CDKAL1: variants seen among roughly 807,000 people sequenced by gnomAD.
The protein encoded by CDKAL1 is threonylcarbamoyladenosine tRNA methylthiotransferase.
CDKAL1 carries 32 observed loss-of-function variants against 68.2 expected under a neutral mutation model. The observed-to-expected ratio is 0.47, with a 90% CI of 0.35 to 0.63. The LOEUF is 0.63. CDKAL1 is among the 30% of genes least tolerant of loss of function. The pLI, the probability that CDKAL1 is intolerant of heterozygous loss-of-function variation, is 0.00. For missense variants in CDKAL1, 606 were observed against 696.7 expected (o/e 0.87, Z 1.47); for synonymous variants, 234 against 244.3 (o/e 0.96, Z 0.39).
At chr6:20,560,321 C>A (rs1211512317) in intron 4 of CDKAL1, among the ~76,000 whole-genome samples, 1 of 152,084 alleles carries the variant, frequency 6.6e-6, no homozygotes, top group African/African-American at 2.4e-5. Context: ...CAGTATGACC[C>A]TTTCAGAGGC....
intron 9 of CDKAL1, among the ~76,000 whole-genome samples, chr6:20,877,324 A>G (rs745898601): frequency 6.6e-6 from 1 of 152,242 alleles, no homozygotes; most frequent in Non-Finnish European, 1.5e-5. Flanking sequence ...AGTCTTTGCC[A>G]TCTAATATCT....
rs765644497 is a variant in CDKAL1 at position 21,108,385 on chromosome 6, T to G, written c.1237-16T>G. On this transcript the variant is annotated splice_polypyrimidine_tract_variant and intron_variant, in intron 12 of 15. Coordinates refer to ENST00000274695, the MANE Select transcript of CDKAL1 (RefSeq NM_017774.3). ...TTTGTATGTTGGTTTTTTGTTTTTT[T>G]TGTTTTTTTTCACAGAAAAAGCAAA... 6.3e-7 allele frequency: 1 copy of G among 1,596,710 alleles called. No homozygotes were observed. Among genetic ancestry groups the G allele is most frequent in the Non-Finnish European group, 8.5e-7 (1 of 1,169,668 alleles).
intron 11 of CDKAL1, among the ~76,000 whole-genome samples, chr6:21,059,277 A>G (rs866036514): frequency 2.0e-5 from 3 of 152,216 alleles, no homozygotes; most frequent in Admixed American, 6.5e-5. Context: ...AGGGGAAAAC[A>G]GAAGACTGAT....
chr6:20,871,289 TA>T (rs1213602603), intron 9 of CDKAL1, among the ~76,000 whole-genome samples: 25 of 152,288 alleles, frequency 1.6e-4, no homozygotes, highest in Non-Finnish European at 2.9e-4. Flanking sequence ...GTGTGTCTAA[TA>T]ATTACCATAA....
intron 9 of CDKAL1, among the ~76,000 whole-genome samples, chr6:20,885,669 C>A (rs559430974): frequency 6.6e-6 from 1 of 152,142 alleles, no homozygotes; most frequent in Non-Finnish European, 1.5e-5. Flanking sequence ...CTTCATCAGA[C>A]TTTAAACTGT....
intron 8 of CDKAL1, among the ~76,000 whole-genome samples, chr6:20,842,369 A>G (rs1393810045): frequency 6.6e-6 from 1 of 152,206 alleles, no homozygotes. Context: ...TGTACCCTAT[A>G]AATATATACA....
chr6:20,907,962 A>C (rs1272630145), intron 9 of CDKAL1, among the ~76,000 whole-genome samples: 1 of 152,134 alleles, frequency 6.6e-6, no homozygotes, highest in African/African-American at 2.4e-5. Flanking sequence ...GAACGCTGAC[A>C]TCCACGGCTC....
intron 9 of CDKAL1, among the ~76,000 whole-genome samples, chr6:20,853,784 A>G (rs185389814): frequency 8.5e-5 from 13 of 152,320 alleles, no homozygotes; most frequent in Admixed American, 8.5e-4. Flanking sequence ...CCACTATTCT[A>G]GAAAATTTTT....
In CDKAL1 at chr6:20,692,100, G is replaced by T. The variant is rs1322800002; in HGVS notation, c.371+42723G>T. ...CTTACCCTGAATACTAAGACATTTT[G>T]ACATTTACATAAGATTACTATCTAC... On this transcript the variant is annotated intron_variant, in intron 5 of 15. Transcript: ENST00000274695. 2.0e-5 allele frequency among the ~76,000 whole-genome samples: 3 copies of T among 152,114 alleles called. 1 individual carries two copies. Among genetic ancestry groups the T allele is most frequent in the South Asian group, 4.1e-4 (2 of 4,828 alleles).
In CDKAL1 at chr6:20,937,275, TG is replaced by T. The variant is rs1561899026; in HGVS notation, c.743-18140del. On this transcript the variant is annotated intron_variant, in intron 9 of 15. Transcript: ENST00000274695. ...AATTTATTTGTATTTTTTGTAGAAA[TG>T]GGGTTTCGCCATGTTGCCCAGGCTG... Among the ~76,000 whole-genome samples, 6 of 152,122 alleles carry T rather than the reference TG, an allele frequency of 3.9e-5. 1 individual carries two copies. The highest frequency in any genetic ancestry group is 2.0e-4 in the Admixed American group (3 of 15,280).
chr6:20,954,420 A>G lies in CDKAL1; in HGVS notation c.743-999A>G, dbSNP rs1764681584. Among the ~76,000 whole-genome samples the G allele has an allele frequency of 2.0e-5, 3 of 152,216 alleles. No individual in the cohort carries two copies. In the South Asian group the frequency reaches 6.2e-4, roughly 31 times the overall value. On this transcript the variant is annotated intron_variant, in intron 9 of 15. Coordinates refer to ENST00000274695, the MANE Select transcript of CDKAL1 (RefSeq NM_017774.3). ...AGAAACTTATACTTTGGTTCAGGCT[A>G]AAGTCTTCAGTTTGTGTGCCTGTGT...
intron 9 of CDKAL1, among the ~76,000 whole-genome samples, chr6:20,925,567 G>A (rs1240483787): frequency 6.7e-6 from 1 of 149,932 alleles, no homozygotes; most frequent in South Asian, 2.1e-4. Context: ...TTACTTCTCA[G>A]TGAGAATACA....
At chr6:20,762,815 A>G (rs1211038218) in intron 7 of CDKAL1, among the ~76,000 whole-genome samples, 3 of 152,180 alleles carry the variant, frequency 2.0e-5, no homozygotes, top group Admixed American at 2.0e-4. Flanking sequence ...ATCTGACTGC[A>G]TATCCTGCTA....
Position 20,702,549 on chromosome 6 carries a change from A to G in CDKAL1, c.372-36970A>G, listed in dbSNP as rs148250161. Among the ~76,000 whole-genome samples, 190 of 152,240 alleles carry G rather than the reference A, an allele frequency of 1.2e-3. 1 individual carries two copies. Among genetic ancestry groups the G allele is most frequent in the African/African-American group, 4.4e-3 (184 of 41,532 alleles). On this transcript the variant is annotated intron_variant, in intron 5 of 15. Transcript: ENST00000274695. Reference sequence around the variant, plus strand: ...GTTTTCTTGTGGATTGGGCCTTCCAACTGCTCAGGCAAAACTTGTCGTTCC... The same window carrying G: ...GTTTTCTTGTGGATTGGGCCTTCCAGCTGCTCAGGCAAAACTTGTCGTTCC...
At chr6:20,558,634 TAAG>T (rs1764153137) in intron 4 of CDKAL1, 3 of 455,880 alleles carry the variant, frequency 6.6e-6, no homozygotes, top group South Asian at 3.1e-5. Context: ...GGAATTGAGT[TAAG>T]AAGATTTGTT....
At chr6:21,207,221 ATT>A (rs34085972) in intron 15 of CDKAL1, among the ~76,000 whole-genome samples, 1 of 149,354 alleles carries the variant, frequency 6.7e-6, no homozygotes, top group African/African-American at 2.4e-5. Flanking sequence ...CCTACTTTAA[ATT>A]TTTTTTTTTT....
At chr6:21,147,009 T>TC (rs1407719916) in intron 13 of CDKAL1, among the ~76,000 whole-genome samples, 1 of 152,128 alleles carries the variant, frequency 6.6e-6, no homozygotes, top group Non-Finnish European at 1.5e-5. Context: ...GTGTCCATGG[T>TC]CCATCAGCAA....
chr6:20,940,434 G>T (rs1581874122), intron 9 of CDKAL1, among the ~76,000 whole-genome samples: 2 of 152,266 alleles, frequency 1.3e-5, no homozygotes. Context: ...TGAGCCATAT[G>T]TATAATTTAA....
chr6:20,945,680 G>A (rs1456775304), intron 9 of CDKAL1, among the ~76,000 whole-genome samples: 6 of 152,276 alleles, frequency 3.9e-5, no homozygotes, highest in Non-Finnish European at 7.3e-5. Context: ...GGGCACAGTA[G>A]TAGTATTTAG....
Sources: allele counts gnomAD v4.1 joint callset (sites outside exome capture counted in the v4.1 genomes callset), GRCh38; gene constraint gnomAD v4.1.1; transcripts MANE v1.5; gene names NCBI Gene and HGNC (gene_info 2026-07-23, HGNC 2026-07-21).